HDAC9: variants seen among roughly 807,000 people sequenced by gnomAD.
HDAC9 encodes MEF-2 interacting transcription repressor (MITR) protein.
Under a neutral mutation model 139.4 loss-of-function variants are expected in HDAC9, and 41 were observed. That is an observed-to-expected ratio of 0.29 (90% CI 0.23 to 0.38). HDAC9 has a LOEUF of 0.38. Ranked by LOEUF, HDAC9 falls within the 10% of genes least tolerant of loss-of-function variation. The pLI, the probability that HDAC9 is intolerant of heterozygous loss-of-function variation, is 1.00. For missense variants in HDAC9, 1,147 were observed against 1,297.0 expected (o/e 0.88, Z 1.78); for synonymous variants, 517 against 476.2 (o/e 1.09, Z -1.12).
chr7:18,710,862 T>C (rs1242546964), intron 12 of HDAC9, among the ~76,000 whole-genome samples: 1 of 152,172 alleles, frequency 6.6e-6, no homozygotes, highest in Non-Finnish European at 1.5e-5. Flanking sequence ...GATTAGCCAG[T>C]GGGGAATATA....
At chr7:18,717,182 T>G (rs1257032093) in intron 12 of HDAC9, among the ~76,000 whole-genome samples, 1 of 152,100 alleles carries the variant, frequency 6.6e-6, no homozygotes, top group East Asian at 1.9e-4. Context: ...GGGCCACCAC[T>G]TGGCCCTAGA....
chr7:18,987,917 T>C (rs1193258111), intron 25 of HDAC9, among the ~76,000 whole-genome samples: 6 of 151,926 alleles, frequency 3.9e-5, no homozygotes, highest in Admixed American at 6.6e-5. Context: ...GGTGATATCC[T>C]CTTTATCATT....
chr7:18,995,943 C>T (rs1385589627), intron 25 of HDAC9, 80 bp from the exon 26 acceptor site: 2 of 1,029,936 alleles, frequency 1.9e-6, no homozygotes, highest in East Asian at 5.3e-5. Context: ...GCTGAAAAAT[C>T]AGCTTTGATT....
chr7:18,292,006 C>A (rs1766801339), intron 1 of HDAC9, among the ~76,000 whole-genome samples: 1 of 152,080 alleles, frequency 6.6e-6, no homozygotes, highest in Admixed American at 6.6e-5. Flanking sequence ...AGAGGTCTTC[C>A]AGGGCTGCAA....
rs140755696 is a variant in HDAC9, at chr7:18,176,803, T to C, written c.25+14454T>C. On this transcript the variant is annotated intron_variant, in intron 2 of 12. Coordinates refer to the HDAC9 transcript ENST00000417496. ...CATTTTTATCCTTTTGTCTGTATTA[T>C]TGTGCTTCCTTTTTTATTAAAGAAG... 4.5e-3 allele frequency among the ~76,000 whole-genome samples: 679 copies of C among 152,330 alleles called. 5 individuals carry two copies. The highest frequency in any genetic ancestry group is 0.016 in the African/African-American group (657 of 41,576).
chr7:18,990,616 G>T (rs934041566), intron 25 of HDAC9, among the ~76,000 whole-genome samples: 2 of 152,114 alleles, frequency 1.3e-5, no homozygotes, highest in Admixed American at 6.5e-5. Context: ...CCTAAGCAAG[G>T]CTGGGCAATG....
At chr7:18,861,619 G>T (rs1476046048) in intron 21 of HDAC9, among the ~76,000 whole-genome samples, 1 of 152,114 alleles carries the variant, frequency 6.6e-6, no homozygotes, top group African/African-American at 2.4e-5. Context: ...TCAACTCTTA[G>T]CTCAGAGACA....
chr7:18,877,912 A>G (rs1013309764), intron 22 of HDAC9, among the ~76,000 whole-genome samples: 1 of 152,196 alleles, frequency 6.6e-6, no homozygotes, highest in Non-Finnish European at 1.5e-5. Context: ...GTTTTAATCA[A>G]CAATCTGAAT....
chr7:18,432,902 G>A (rs1309213792), intron 1 of HDAC9, among the ~76,000 whole-genome samples: 3 of 150,786 alleles, frequency 2.0e-5, no homozygotes, highest in African/African-American at 4.9e-5. Flanking sequence ...AGTGAGCCGA[G>A]ATCGCGCCAC....
chr7:18,828,014 A>C (rs1193365248), intron 17 of HDAC9, among the ~76,000 whole-genome samples: 1 of 152,138 alleles, frequency 6.6e-6, no homozygotes, highest in Admixed American at 6.6e-5. Context: ...TCTAATTGAC[A>C]TTATGTTATA....
At chr7:18,668,992 T>C (rs1795489665) in intron 12 of HDAC9, 1 of 632,086 alleles carries the variant, frequency 1.6e-6, no homozygotes, top group Admixed American at 6.4e-5. Flanking sequence ...TCTAATACCA[T>C]TAAAAACAAT....
chr7:18,695,898 T>A (rs1230913479), intron 12 of HDAC9, among the ~76,000 whole-genome samples: 2 of 152,360 alleles, frequency 1.3e-5, no homozygotes, highest in South Asian at 4.1e-4. Flanking sequence ...CACACGTTTT[T>A]ATTTATTTTC....
At position 18,348,706 on chromosome 7, in the gene HDAC9, T is replaced by G. The variant is rs1339164795; in HGVS notation, c.-42+58191T>G. Among the ~76,000 whole-genome samples the G allele has an allele frequency of 3.3e-5, 5 of 152,160 alleles. No homozygotes were observed. In the East Asian group the frequency reaches 9.6e-4, roughly 29 times the overall value. ...GATCCAAAATCTCCTAACACAAACT[T>G]TCTCCTTCTGCCTTCTCTTTAGCCC... On this transcript the variant is annotated intron_variant, in intron 1 of 3. Coordinates refer to the HDAC9 transcript ENST00000413509.
At chr7:18,548,800 ATATAT>A (rs1563234521) in intron 2 of HDAC9, among the ~76,000 whole-genome samples, 1 of 152,232 alleles carries the variant, frequency 6.6e-6, no homozygotes, top group East Asian at 1.9e-4. Context: ...GGGTAAATAT[ATATAT>A]CTCTATGATA....
chr7:18,721,685 C>G (rs1018972979), intron 12 of HDAC9, among the ~76,000 whole-genome samples: 1 of 152,046 alleles, frequency 6.6e-6, no homozygotes, highest in African/African-American at 2.4e-5. Context: ...AGTGAAAACC[C>G]AGAAGCTATA....
At chr7:18,489,409 A>G (rs1796202197) in intron 1 of HDAC9, among the ~76,000 whole-genome samples, 2 of 152,056 alleles carry the variant, frequency 1.3e-5, no homozygotes, top group African/African-American at 2.4e-5. Context: ...TTATAGTAAT[A>G]TTAGCTAGTA....
chr7:18,345,066 T>C (rs1585276279), intron 1 of HDAC9, among the ~76,000 whole-genome samples: 2 of 152,094 alleles, frequency 1.3e-5, no homozygotes, highest in Admixed American at 1.3e-4. Context: ...TTTATAGCCC[T>C]TCACTTATGT....
chr7:18,609,614 C>T (rs532118279), intron 6 of HDAC9, among the ~76,000 whole-genome samples: 6 of 152,068 alleles, frequency 3.9e-5, no homozygotes, highest in African/African-American at 1.2e-4. Flanking sequence ...TTTCAGAACT[C>T]GTTAATTTTT....
intron 24 of HDAC9, among the ~76,000 whole-genome samples, chr7:18,965,052 T>C (rs1397797554): frequency 6.6e-6 from 1 of 152,208 alleles, no homozygotes; most frequent in Non-Finnish European, 1.5e-5. Flanking sequence ...GTTAACAAAT[T>C]AGCTTTGCAG....
Sources: gnomAD v4.1 joint callset for allele counts (sites outside exome capture counted in the v4.1 genomes callset) on GRCh38, gnomAD v4.1.1 for gene constraint, MANE v1.5 for transcripts, NCBI Gene and HGNC (gene_info 2026-07-23, HGNC 2026-07-21) for gene names.